SUGCT: variants seen among roughly 807,000 people sequenced by gnomAD.
The protein encoded by SUGCT is succinyl-CoA:glutarate-CoA transferase, also known as succinyl-CoA:glutarate CoA-transferase.
A neutral mutation model predicts 55.0 loss-of-function variants in SUGCT; 41 were observed. The observed-to-expected ratio is 0.74, with a 90% CI of 0.58 to 0.97. The LOEUF is 0.97. Ranked by LOEUF, SUGCT falls within the 50% of genes least tolerant of loss-of-function variation. The pLI is 0.00. For missense variants in SUGCT, 568 were observed against 547.8 expected, an observed-to-expected ratio of 1.04 and a Z score of -0.37; for synonymous variants, 187 against 200.4, an observed-to-expected ratio of 0.93 and a Z score of 0.56.
chr7:40,420,118 G>T (rs773469130), intron 9 of SUGCT, among the ~76,000 whole-genome samples: 2 of 152,114 alleles, frequency 1.3e-5, no homozygotes, highest in Non-Finnish European at 2.9e-5. Context: ...TGAGAGAGAA[G>T]AGGAGAACCT....
At chr7:40,254,193 C>T (rs936380147) in intron 7 of SUGCT, among the ~76,000 whole-genome samples, 3 of 152,174 alleles carry the variant, frequency 2.0e-5, no homozygotes, top group African/African-American at 4.8e-5. Flanking sequence ...TCCTCTAAAA[C>T]CTCTTTTCTA....
intron 7 of SUGCT, among the ~76,000 whole-genome samples, chr7:40,256,367 C>T (rs1469976244): frequency 1.3e-5 from 2 of 152,086 alleles, no homozygotes; most frequent in Non-Finnish European, 2.9e-5. Flanking sequence ...AATGAAGATT[C>T]CATAGTAAGA....
chr7:40,361,505 C>T (rs1436847361), intron 9 of SUGCT, among the ~76,000 whole-genome samples: 5 of 151,326 alleles, frequency 3.3e-5, no homozygotes, highest in African/African-American at 1.2e-4. Context: ...ATGCAGGAGG[C>T]GGAGCTTGCA....
In SUGCT at chr7:40,385,755, T is replaced by A. The variant is rs149684828; in HGVS notation, c.817-63532T>A. 2.0e-3 allele frequency among the ~76,000 whole-genome samples: 305 copies of A among 152,324 alleles called. 12 individuals are homozygous for A. The South Asian group carries it at 0.059, about 29-fold the overall frequency. On this transcript the variant is annotated intron_variant, in intron 9 of 13. Transcript: ENST00000335693. ...CTCAAATCTGTTTTTGTACTAAAGT[T>A]GAGAATGCTTCAAGTCTCTTTCTAT... is the stretch of plus-strand genomic sequence containing the variant.
chr7:40,903,202 A>G, the SUGCT span, among the ~76,000 whole-genome samples: 1 of 151,950 alleles, frequency 6.6e-6, no homozygotes, highest in Non-Finnish European at 1.5e-5. Context: ...CAGGTAATCA[A>G]GTTACTATCT....
At chr7:40,325,230 G>T (rs921995157) in intron 9 of SUGCT, among the ~76,000 whole-genome samples, 27 of 102,154 alleles carry the variant, frequency 2.6e-4, no homozygotes, top group African/African-American at 9.4e-4. Flanking sequence ...CACATGTTAA[G>T]GATTTTTTTT....
the SUGCT span, among the ~76,000 whole-genome samples, chr7:41,002,400 A>G: frequency 1.3e-5 from 2 of 152,174 alleles, no homozygotes; most frequent in Non-Finnish European, 2.9e-5. Context: ...AGAAGAGGTG[A>G]AAAAGCTCCT....
At chr7:40,463,862 C>G (rs1789951219) in intron 11 of SUGCT, among the ~76,000 whole-genome samples, 1 of 152,188 alleles carries the variant, frequency 6.6e-6, no homozygotes, top group Non-Finnish European at 1.5e-5. Flanking sequence ...AAAACTCAAT[C>G]ATGTTAAAAA....
At chr7:40,449,204 T>G (rs1789051145) in intron 9 of SUGCT, 83 bp from the exon 10 acceptor site, 16 of 873,980 alleles carry the variant, frequency 1.8e-5, no homozygotes, top group Non-Finnish European at 2.9e-5. Context: ...GAACAAGCTT[T>G]CTATATAGAT....
chr7:40,536,725 C>G (rs1794382868), intron 12 of SUGCT, among the ~76,000 whole-genome samples: 1 of 152,178 alleles, frequency 6.6e-6, no homozygotes, highest in African/African-American at 2.4e-5. Flanking sequence ...TCACTAGTTA[C>G]CCTGTGAGTG....
chr7:40,991,288 C>T, the SUGCT span, among the ~76,000 whole-genome samples: 1 of 152,182 alleles, frequency 6.6e-6, no homozygotes, highest in East Asian at 1.9e-4. Context: ...GCAATTCCAA[C>T]ATTTATTAAT....
At chr7:40,248,886 T>TCGCGCG (rs541035947) in intron 7 of SUGCT, among the ~76,000 whole-genome samples, 4 of 111,044 alleles carry the variant, frequency 3.6e-5, no homozygotes, top group African/African-American at 1.4e-4. Context: ...GCGCGCGCGC[T>TCGCGCG]CGCACACACA....
At chr7:40,459,513 C>G (rs1448281495) in intron 11 of SUGCT, among the ~76,000 whole-genome samples, 1 of 152,144 alleles carries the variant, frequency 6.6e-6, no homozygotes, top group Admixed American at 6.6e-5. Context: ...ATAAATACAA[C>G]AACAACAACA....
intron 1 of SUGCT, among the ~76,000 whole-genome samples, chr7:40,145,270 A>T (rs1438387056): frequency 2.0e-5 from 3 of 152,234 alleles, no homozygotes; most frequent in Non-Finnish European, 4.4e-5. Flanking sequence ...CACCTTGCAC[A>T]TAAACTGTTT....
At chr7:40,158,012 G>A (rs1783979022) in intron 1 of SUGCT, among the ~76,000 whole-genome samples, 1 of 152,222 alleles carries the variant, frequency 6.6e-6, no homozygotes, top group Middle Eastern at 3.4e-3. Context: ...TTCAAGACCA[G>A]CCTGGCCAAC....
intron 1 of SUGCT, among the ~76,000 whole-genome samples, chr7:40,179,069 G>A (rs561969310): frequency 6.6e-6 from 1 of 152,242 alleles, no homozygotes; most frequent in African/African-American, 2.4e-5. Flanking sequence ...GCAGAAAGAA[G>A]TTGGATTTCA....
In SUGCT at chr7:40,186,620, A is replaced by G. The variant is rs951784723; in HGVS notation, c.227-1875A>G. ...ATTTTTATTTGTGTAACCAAAGAGC[A>G]TATTATATTTATGTATACTCTTCTT... is the stretch of plus-strand genomic sequence containing the variant. On this transcript the variant is annotated intron_variant, in intron 3 of 13. Coordinates refer to ENST00000335693, the MANE Select transcript of SUGCT (RefSeq NM_001193313.2). Among the ~76,000 whole-genome samples, 3 of 152,172 alleles carry G rather than the reference A, an allele frequency of 2.0e-5. No homozygotes were observed. In the East Asian group the frequency reaches 5.8e-4, roughly 29 times the overall value.
At chr7:40,198,408 T>C (rs1438831722) in intron 6 of SUGCT, among the ~76,000 whole-genome samples, 1 of 152,226 alleles carries the variant, frequency 6.6e-6, no homozygotes, top group Non-Finnish European at 1.5e-5. Context: ...ATTTTTGCCA[T>C]TTTCTTTCGC....
At chr7:40,962,291 T>G in the SUGCT span, among the ~76,000 whole-genome samples, 1 of 151,966 alleles carries the variant, frequency 6.6e-6, no homozygotes, top group Non-Finnish European at 1.5e-5. Context: ...ACAGAAAAGT[T>G]CTCCAAGTTC....
Sources: allele counts gnomAD v4.1 joint callset (sites outside exome capture counted in the v4.1 genomes callset), GRCh38; gene constraint gnomAD v4.1.1; transcripts MANE v1.5; gene names NCBI Gene and HGNC (gene_info 2026-07-23, HGNC 2026-07-21).